Variants in CCT4 observed in about 807,000 individuals in gnomAD.
CCT4 encodes the protein T-complex protein 1 subunit delta.
In CCT4, 17 loss-of-function variants were observed where a neutral mutation model predicts 62.5. The observed-to-expected ratio is 0.27, with a 90% CI of 0.19 to 0.41. The LOEUF is 0.41. CCT4 is among the 10% of genes least tolerant of loss of function. CCT4 has a pLI of 1.00. For synonymous variants in CCT4, 250 were observed against 229.9 expected, an observed-to-expected ratio of 1.09 and a Z score of -0.79; for missense variants, 592 against 659.2, an observed-to-expected ratio of 0.90 and a Z score of 1.12.
At chr2:61,880,475 G>T in intron 3 of CCT4, 81 bp from the exon 4 acceptor site, 2 of 750,068 alleles carry the variant, frequency 2.7e-6, no homozygotes, top group Non-Finnish European at 2.3e-6. Context: ...TCGCACCAGT[G>T]TCACAAACAG....
intron 12 of CCT4, among the ~76,000 whole-genome samples, chr2:61,871,037 T>C (rs1362335802): frequency 2.7e-5 from 4 of 150,710 alleles, no homozygotes; most frequent in Non-Finnish European, 5.9e-5. Flanking sequence ...AATAGTTTTT[T>C]TTTTTTTTTT....
chr2:61,888,337 A>C, intron 1 of CCT4, 44 bp downstream of exon 1: 2 of 1,592,484 alleles, frequency 1.3e-6, no homozygotes, highest in East Asian at 4.6e-5. Context: ...GAGAGCGCAG[A>C]GCACAACCCC....
In CCT4 at chr2:61,873,102, G is replaced by C; in HGVS notation, c.1025C>G (p.Thr342Ser). 6.2e-7 allele frequency: 1 copy of C among 1,605,152 alleles called. No individual in the cohort carries two copies. Among genetic ancestry groups the C allele is most frequent in the Non-Finnish European group, 8.5e-7 (1 of 1,171,882 alleles). ...DIEFICKTIG[T>S]KPVAHIDQFT... is the part of the protein sequence containing the mutation. ...TTGGTCAATATGAGCAACTGGCTTG[G>C]TTCCAATTGTCTGGAAAAAACAGTC... The change falls in exon 10 of 14, where the codon ACC becomes AGC. Residue 342 changes from threonine to serine, a missense_variant. This residue lies in a region of CCT4 where 522 missense variants were observed against 571.2 expected (regional missense o/e 0.91). Transcript: ENST00000394440.
chr2:61,869,593 G>A (rs1482418772), intron 12 of CCT4, 40 bp from the exon 13 acceptor site: 3 of 1,098,366 alleles, frequency 2.7e-6, no homozygotes, highest in East Asian at 4.7e-5. Context: ...TAGTGTCTGT[G>A]ATAATACACA....
intron 6 of CCT4, 137 bp from the exon 7 acceptor site, chr2:61,877,189 T>C (rs757314525): frequency 2.2e-6 from 2 of 911,066 alleles, no homozygotes; most frequent in Non-Finnish European, 3.3e-6. Flanking sequence ...CACTCCTGGA[T>C]CTCTTTGATC....
At position 61,883,491 on chromosome 2, in the gene CCT4, G is replaced by T; in HGVS notation, c.238C>A (p.Gln80Lys). 1 of 1,584,634 alleles carries T rather than the reference G, an allele frequency of 6.3e-7. No individual in the cohort carries two copies. The highest frequency in any genetic ancestry group is 8.6e-7 in the Non-Finnish European group (1 of 1,163,568). Residue 80 changes from glutamine (Q) to lysine (K), a missense_variant, in exon 3 of 14, where the codon CAA (glutamine) becomes AAA (lysine). Gln to Lys is a moderately conservative substitution (Grantham distance 53). Coordinates refer to ENST00000394440, the MANE Select transcript of CCT4 (RefSeq NM_006430.4). The stretch of plus-strand genomic sequence containing the variant: ...GCTGCTGGATGTAATACTTGCATTT[G>T]TTTCAGAATGGTAGCACCATCATTT... ...ITNDGATILK[Q>K]MQVLHPAARM...
At chr2:61,874,376 T>C (rs1480838468) in intron 8 of CCT4, among the ~76,000 whole-genome samples, 1 of 152,084 alleles carries the variant, frequency 6.6e-6, no homozygotes, top group Non-Finnish European at 1.5e-5. Context: ...TCCCAGCACT[T>C]TGGGAGGCCA....
At chr2:61,875,223 T>C (rs1668973010) in intron 8 of CCT4, among the ~76,000 whole-genome samples, 1 of 145,638 alleles carries the variant, frequency 6.9e-6, no homozygotes, top group African/African-American at 2.5e-5. Flanking sequence ...AAAATAATGA[T>C]ACTGCTAAAA....
intron 12 of CCT4, among the ~76,000 whole-genome samples, chr2:61,870,008 T>A (rs1410786047): frequency 1.3e-5 from 2 of 148,760 alleles, no homozygotes; most frequent in Non-Finnish European, 3.0e-5. Context: ...CTAGGTGCGG[T>A]GGCTCACGCC....
intron 3 of CCT4, among the ~76,000 whole-genome samples, chr2:61,882,759 C>T (rs1218825658): frequency 6.6e-6 from 1 of 152,126 alleles, no homozygotes; most frequent in Non-Finnish European, 1.5e-5. Context: ...AATCCTCCCA[C>T]CTTGGCCTCC....
At chr2:61,882,569 G>A (rs1025588294) in intron 3 of CCT4, among the ~76,000 whole-genome samples, 14 of 151,592 alleles carry the variant, frequency 9.2e-5, no homozygotes, top group Admixed American at 2.6e-4. Context: ...AGGCTGGAGT[G>A]CAGTGGCGCA....
intron 2 of CCT4, 39 bp downstream of exon 2, chr2:61,884,981 A>G: frequency 6.8e-7 from 1 of 1,477,602 alleles, no homozygotes; most frequent in Non-Finnish European, 9.3e-7. Flanking sequence ...TGTGAACAGC[A>G]GTGCTCAATT....
intron 12 of CCT4, among the ~76,000 whole-genome samples, 165 bp from the exon 13 acceptor site, chr2:61,869,718 T>A (rs1668845368): frequency 6.6e-6 from 1 of 152,112 alleles, no homozygotes; most frequent in Non-Finnish European, 1.5e-5. Context: ...TGGGATGTTA[T>A]TTCAATTAAA....
chr2:61,873,785 C>G (rs532724003), intron 8 of CCT4, among the ~76,000 whole-genome samples: 21 of 152,088 alleles, frequency 1.4e-4, no homozygotes, highest in African/African-American at 5.1e-4. Context: ...ACGCTGGTCT[C>G]GAACTCCTGA....
intron 1 of CCT4, among the ~76,000 whole-genome samples, chr2:61,886,432 CTAACAAACCAAACA>C (rs1231133096): frequency 1.3e-5 from 2 of 152,108 alleles, no homozygotes; most frequent in Admixed American, 1.3e-4. Flanking sequence ...CAAACCAAAC[CTAACAAACCAAACA>C]AAAACCAAAA....
chr2:61,883,143 GC>G (rs1330126796), intron 3 of CCT4, among the ~76,000 whole-genome samples: 1 of 152,082 alleles, frequency 6.6e-6, no homozygotes, highest in Non-Finnish European at 1.5e-5. Context: ...GACTCATCTG[GC>G]CGGGCGCAGT....
intron 1 of CCT4, among the ~76,000 whole-genome samples, chr2:61,887,694 A>G (rs1391978135): frequency 6.6e-6 from 1 of 152,252 alleles, no homozygotes; most frequent in Non-Finnish European, 1.5e-5. Context: ...ACAGGTCACT[A>G]AGACATGAAG....
Position 61,868,110 on chromosome 2 carries a change from GT to G in CCT4, c.*581del, listed in dbSNP as rs1304629912. 2.0e-5 allele frequency: 3 copies of G among 152,376 alleles called. No individual in the cohort carries two copies. Among genetic ancestry groups the G allele is most frequent in the African/African-American group, 7.2e-5 (3 of 41,434 alleles). The allele number at this position is 152,376 out of a possible 1,614,324, so 9.4% of individuals were successfully genotyped here. A position where few individuals can be genotyped will look rare whatever the true frequency, so the allele number is the denominator to read the frequency against. On this transcript the variant is annotated 3_prime_UTR_variant, in exon 14 of 14. Transcript: ENST00000394440. ...TTAGTTAAGAAACCCTTTTGTTTAA[GT>G]AAGATTTGCTACATATATGTATACA...
At chr2:61,881,259 AT>A (rs991479199) in intron 3 of CCT4, among the ~76,000 whole-genome samples, 3 of 151,846 alleles carry the variant, frequency 2.0e-5, no homozygotes, top group East Asian at 1.9e-4. Flanking sequence ...TATAATAATC[AT>A]TTTTTTCAAC....
Sources: gnomAD v4.1 joint callset for allele counts (sites outside exome capture counted in the v4.1 genomes callset) on GRCh38, gnomAD v4.1.1 for gene constraint, gnomAD v4.1.1 regional missense constraint, MANE v1.5 for transcripts, NCBI Gene and HGNC (gene_info 2026-07-23, HGNC 2026-07-21) for gene names.